Variants in ICAM2 observed in about 807,000 individuals in gnomAD.
ICAM2 encodes intercellular adhesion molecule 2, also known as ICAM-2.
Under a neutral mutation model 19.1 loss-of-function variants are expected in ICAM2, and 14 were observed. That is an observed-to-expected ratio of 0.73 (90% confidence interval 0.48 to 1.15). The LOEUF (loss-of-function observed/expected upper bound fraction) is 1.15. Among genes scored for constraint, ICAM2 ranks in the 50% most tolerant of loss-of-function variants. ICAM2 has a pLI of 0.00. For missense variants in ICAM2, 311 were observed against 355.4 expected, an observed-to-expected ratio of 0.88 and a Z score of 1.00; for synonymous variants, 153 against 152.7, an observed-to-expected ratio of 1.00 and a Z score of -0.01.
rs769264742 is a variant in ICAM2, at chr17:64,002,717, C to T, written c.*30G>A. 29 of 1,599,756 alleles carry T rather than the reference C, an allele frequency of 1.8e-5. No homozygotes were observed. Among genetic ancestry groups the T allele is most frequent in the Non-Finnish European group, 2.5e-5 (29 of 1,173,620 alleles). ...GAGTCACACTGAGTTCCAGTGACCA[C>T]CGTGGTGGTGGCCATGCCACTCATG... On this transcript the variant is annotated 3_prime_UTR_variant, in exon 5 of 5. Coordinates refer to ENST00000579788, the MANE Select transcript of ICAM2 (RefSeq NM_001099789.2).
At chr17:64,006,017 C>G (rs1911184585) in intron 2 of ICAM2, 1 of 154,982 alleles carries the variant, frequency 6.5e-6, no homozygotes, top group African/African-American at 2.4e-5. Flanking sequence ...GATGGTGACT[C>G]TGTGGGCAAA....
Position 64,003,966 on chromosome 17 carries a change from T to C in ICAM2, c.329-2A>G. ...TCAGGATGACCTGCCTTGGAGGCTC[T>C]GCAGGGGACAAAGGAGGGAGGTCTG... On this transcript the variant is annotated splice_acceptor_variant, in intron 3 of 4. Coordinates refer to ENST00000579788, the MANE Select transcript of ICAM2 (RefSeq NM_001099789.2). LOFTEE classifies it high-confidence loss of function. 1 of 1,606,622 alleles carries C rather than the reference T, an allele frequency of 6.2e-7. No individual in the cohort carries two copies. Among genetic ancestry groups the C allele is most frequent in the East Asian group, 2.2e-5 (1 of 44,582 alleles).
rs764412349 is a variant in ICAM2 at position 64,002,831 on chromosome 17, G to A, written c.744C>T (p.Phe248=). The change falls in exon 5 of 5, where the codon TTC becomes TTT. Residue 248 remains phenylalanine, a synonymous_variant. Transcript: ENST00000579788. ...FVTSVLLCFI[F]GQHLRQQRMG... ...TCCGCTGCTGGCGCAAGTGCTGGCC[G>A]AAGATGAAGCAGAGCAGGACAGATG... is the stretch of plus-strand genomic sequence containing the variant. The A allele has an allele frequency of 3.1e-5, 50 of 1,613,778 alleles. No individual in the cohort carries two copies. Among genetic ancestry groups the A allele is most frequent in the Non-Finnish European group, 4.1e-5 (48 of 1,179,944 alleles).
At chr17:64,003,339 C>A in intron 4 of ICAM2, 1 of 468,658 alleles carries the variant, frequency 2.1e-6, no homozygotes, top group Non-Finnish European at 3.9e-6. Context: ...CTGGGGACCT[C>A]AGTGGGGGCA....
At chr17:64,020,236 C>T (rs1056497465) in intron 1 of ICAM2, among the ~76,000 whole-genome samples, 10 of 151,916 alleles carry the variant, frequency 6.6e-5, no homozygotes, top group African/African-American at 1.9e-4. Context: ...ATTTCTACAT[C>T]GGCCACCGAG....
At chr17:64,005,505 A>G in intron 2 of ICAM2, 132 bp from the exon 3 acceptor site, 1 of 1,002,140 alleles carries the variant, frequency 1.0e-6, no homozygotes, top group South Asian at 1.7e-5. Context: ...CCCCGCTGCT[A>G]CTTTCCCCTT....
intron 1 of ICAM2, among the ~76,000 whole-genome samples, chr17:64,007,433 T>G (rs1911264272): frequency 6.6e-6 from 1 of 152,102 alleles, no homozygotes; most frequent in African/African-American, 2.4e-5. Flanking sequence ...CAGCTAATTT[T>G]GTATTTTTAA....
intron 1 of ICAM2, among the ~76,000 whole-genome samples, chr17:64,016,533 G>A (rs1486659821): frequency 6.6e-6 from 1 of 152,202 alleles, no homozygotes; most frequent in Non-Finnish European, 1.5e-5. Flanking sequence ...GGAGAGTTAA[G>A]GTCCCTAGAA....
chr17:64,017,367 G>A (rs533514651), intron 1 of ICAM2, among the ~76,000 whole-genome samples: 2 of 152,226 alleles, frequency 1.3e-5, no homozygotes, highest in South Asian at 4.1e-4. Flanking sequence ...AGTCAAAAAA[G>A]TAGAGCAAGA....
intron 1 of ICAM2, among the ~76,000 whole-genome samples, chr17:64,014,330 G>GGAAGGAAGGAAAGAAA (rs1219763465): frequency 2.4e-3 from 73 of 31,014 alleles, no homozygotes; most frequent in African/African-American, 3.0e-3. Flanking sequence ...AAGGAAGGAA[G>GGAAGGAAGGAAAGAAA]GAAAGAAAGA....
intron 1 of ICAM2, among the ~76,000 whole-genome samples, chr17:64,013,174 T>C (rs1419505237): frequency 6.6e-6 from 1 of 152,092 alleles, no homozygotes; most frequent in African/African-American, 2.4e-5. Flanking sequence ...TAGCTGGACA[T>C]GGTGGCGTGT....
chr17:64,015,776 C>T (rs1911698658), intron 1 of ICAM2, among the ~76,000 whole-genome samples: 1 of 151,984 alleles, frequency 6.6e-6, no homozygotes, highest in Non-Finnish European at 1.5e-5. Context: ...AAACTTGAAT[C>T]CGTAATTTAA....
At chr17:64,014,335 GAAAGAAAGAAAGAAA>G (rs1567849223) in intron 1 of ICAM2, among the ~76,000 whole-genome samples, 11 of 40,384 alleles carry the variant, frequency 2.7e-4, no homozygotes, top group African/African-American at 9.7e-4. Flanking sequence ...AGGAAGGAAA[GAAAGAAAGAAAGAAA>G]GAAAGAAAGA....
chr17:64,006,597 G>A, intron 2 of ICAM2, 34 bp downstream of exon 2: 2 of 1,602,344 alleles, frequency 1.2e-6, no homozygotes, highest in Non-Finnish European at 1.7e-6. Flanking sequence ...CGGCTGGCAT[G>A]TGCCAAATCA....
intron 2 of ICAM2, 185 bp downstream of exon 2, chr17:64,006,446 A>G (rs2143198985): frequency 1.7e-6 from 1 of 597,964 alleles, no homozygotes. Context: ...GCAGTGAGCC[A>G]TGATCATGCC....
intron 1 of ICAM2, among the ~76,000 whole-genome samples, chr17:64,017,712 GTA>G (rs752821993): frequency 1.3e-5 from 2 of 152,174 alleles, no homozygotes; most frequent in Non-Finnish European, 2.9e-5. Flanking sequence ...GTTAGCGTAG[GTA>G]TAGGCAAATT....
At position 64,006,718 on chromosome 17, in the gene ICAM2, G is replaced by A. The variant is rs369694745; in HGVS notation, c.-27C>T. ...TCTGGCAGTCTCCACGGGCTCGCAG[G>A]GACCAGCCAAGGGCTGCCTGGAGGG... On this transcript the variant is annotated 5_prime_UTR_variant, in exon 2 of 5. Transcript: ENST00000579788. The A allele has an allele frequency of 7.4e-6, 12 of 1,612,568 alleles. No homozygotes were observed. Among genetic ancestry groups the A allele is most frequent in the Admixed American group, 1.7e-5 (1 of 59,970 alleles).
chr17:64,003,517 G>T, intron 4 of ICAM2, 127 bp downstream of exon 4: 1 of 840,112 alleles, frequency 1.2e-6, no homozygotes. Flanking sequence ...GAGAGTAAGA[G>T]GGAAGCCTCA....
In ICAM2 at chr17:64,004,659, C is replaced by T. The variant is rs375838986; in HGVS notation, c.328+448G>A. ...GCCCATCTGGAAGGTTTTCATGGCT[C>T]ATGTGCAGGTGGAGTGTGATGGCCA... On this transcript the variant is annotated intron_variant, in intron 3 of 4. Coordinates refer to ENST00000579788, the MANE Select transcript of ICAM2 (RefSeq NM_001099789.2). 102 of 246,252 alleles carry T rather than the reference C, an allele frequency of 4.1e-4. No homozygotes were observed. The South Asian group carries it at 6.1e-3, about 15-fold the overall frequency. The allele number at this position is 246,252 out of a possible 1,614,324, so 15.3% of individuals were successfully genotyped here. A position where few individuals can be genotyped will look rare whatever the true frequency, so the allele number is the denominator to read the frequency against.
Sources: gnomAD v4.1 joint callset for allele counts (sites outside exome capture counted in the v4.1 genomes callset) on GRCh38, gnomAD v4.1.1 for gene constraint, MANE v1.5 for transcripts, NCBI Gene and HGNC (gene_info 2026-07-23, HGNC 2026-07-21) for gene names.